NRXN1: variants seen among roughly 807,000 people sequenced by gnomAD.
NRXN1 encodes neurexin 1.
A neutral mutation model predicts 150.9 loss-of-function variants in NRXN1; 39 were observed. That is an observed-to-expected ratio of 0.26 (90% confidence interval 0.20 to 0.34). NRXN1 has a LOEUF of 0.34. Ranked by LOEUF, NRXN1 falls within the 10% of genes least tolerant of loss-of-function variation. NRXN1 has a pLI of 1.00. For missense variants in NRXN1, 1,815 were observed against 1,949.9 expected (o/e 0.93, Z 1.30); for synonymous variants, 924 against 757.0 (o/e 1.22, Z -3.62).
intron 17 of NRXN1, among the ~76,000 whole-genome samples, chr2:50,450,895 T>G (rs2086896069): frequency 6.6e-6 from 1 of 152,192 alleles, no homozygotes; most frequent in South Asian, 2.1e-4. Context: ...TTACTTTCAC[T>G]AGCAAATATC....
chr2:50,356,109 A>G (rs1468307291), intron 17 of NRXN1, among the ~76,000 whole-genome samples: 1 of 152,130 alleles, frequency 6.6e-6, no homozygotes, highest in Non-Finnish European at 1.5e-5. Flanking sequence ...CTTGCTGCCA[A>G]GTTGAATTAC....
At chr2:50,052,570 C>T (rs923432976) in intron 21 of NRXN1, among the ~76,000 whole-genome samples, 1 of 152,046 alleles carries the variant, frequency 6.6e-6, no homozygotes, top group African/African-American at 2.4e-5. Flanking sequence ...AATTAACATA[C>T]TTCCAAGTTG....
intron 2 of NRXN1, among the ~76,000 whole-genome samples, chr2:50,947,646 C>G (rs142214398): frequency 6.6e-6 from 1 of 151,940 alleles, no homozygotes; most frequent in East Asian, 1.9e-4. Context: ...TTTTTGGACC[C>G]TAGAATCCAT....
At chr2:50,537,903 T>C (rs540148800) in intron 10 of NRXN1, among the ~76,000 whole-genome samples, 2 of 152,286 alleles carry the variant, frequency 1.3e-5, no homozygotes, top group African/African-American at 4.8e-5. Context: ...GCCATAGGTA[T>C]GTATAATTCA....
At chr2:50,402,712 G>A (rs918533123) in intron 17 of NRXN1, among the ~76,000 whole-genome samples, 2 of 152,160 alleles carry the variant, frequency 1.3e-5, no homozygotes, top group South Asian at 4.1e-4. Flanking sequence ...GGGACGAATG[G>A]GGGAAGGATT....
intron 2 of NRXN1, among the ~76,000 whole-genome samples, chr2:51,001,238 G>A (rs554915119): frequency 2.4e-5 from 3 of 126,984 alleles, no homozygotes; most frequent in African/African-American, 3.2e-5. Context: ...TGGGGTTGGG[G>A]GGGGGGGGCG....
chr2:50,702,931 GT>G (rs1246191450), intron 5 of NRXN1, among the ~76,000 whole-genome samples: 1 of 151,856 alleles, frequency 6.6e-6, no homozygotes, highest in Non-Finnish European at 1.5e-5. Context: ...TGCCCTTTTT[GT>G]TTTGTTCTGC....
chr2:50,479,208 T>A (rs998438577), intron 15 of NRXN1, among the ~76,000 whole-genome samples: 3 of 152,222 alleles, frequency 2.0e-5, no homozygotes, highest in Non-Finnish European at 4.4e-5. Context: ...CGCCCCACAG[T>A]CCGACCTTTA....
chr2:50,666,421 T>C (rs925362261), intron 5 of NRXN1, among the ~76,000 whole-genome samples: 6 of 151,954 alleles, frequency 3.9e-5, no homozygotes, highest in Non-Finnish European at 7.4e-5. Context: ...GGCTAGATTA[T>C]AGGGTAGGTA....
At chr2:50,997,212 C>G (rs1403551406) in intron 2 of NRXN1, among the ~76,000 whole-genome samples, 2 of 151,760 alleles carry the variant, frequency 1.3e-5, no homozygotes, top group Non-Finnish European at 2.9e-5. Context: ...AAGTATTGCT[C>G]CACTTGAGCC....
chr2:50,316,839 A>G (rs1434287765), intron 17 of NRXN1, among the ~76,000 whole-genome samples: 2 of 152,000 alleles, frequency 1.3e-5, no homozygotes, highest in Admixed American at 1.3e-4. Flanking sequence ...CAAAATATCA[A>G]TCAGAAAACC....
At chr2:50,848,972 G>A (rs1036042929) in intron 5 of NRXN1, among the ~76,000 whole-genome samples, 8 of 152,134 alleles carry the variant, frequency 5.3e-5, no homozygotes, top group South Asian at 2.1e-4. Context: ...CACATACAGC[G>A]CCTTCTCTGT....
intron 8 of NRXN1, among the ~76,000 whole-genome samples, chr2:50,609,533 A>C (rs542008801): frequency 6.6e-6 from 1 of 152,132 alleles, no homozygotes; most frequent in African/African-American, 2.4e-5. Flanking sequence ...ACATAGTCTC[A>C]CTTAATCCTT....
intron 5 of NRXN1, among the ~76,000 whole-genome samples, chr2:50,826,372 G>A (rs1192600654): frequency 1.3e-5 from 2 of 152,166 alleles, no homozygotes; most frequent in Non-Finnish European, 2.9e-5. Flanking sequence ...AAGCCAATGA[G>A]CCAGTGAAGG....
chr2:51,026,274 GT>G (rs1670452464), intron 2 of NRXN1: 2 of 750,004 alleles, frequency 2.7e-6, no homozygotes, highest in Non-Finnish European at 4.6e-6. Context: ...ATTTATCCAT[GT>G]GTTGATTGCC....
At chr2:50,531,463 G>C (rs1242359170) in intron 10 of NRXN1, 33 bp from the exon 11 acceptor site, 3 of 1,519,986 alleles carry the variant, frequency 2.0e-6, no homozygotes, top group South Asian at 2.3e-5. Flanking sequence ...ATAAGTTCTT[G>C]GATGGTATAG....
intron 17 of NRXN1, among the ~76,000 whole-genome samples, chr2:50,337,146 C>T (rs1171212788): frequency 6.9e-6 from 1 of 144,822 alleles, no homozygotes; most frequent in Non-Finnish European, 1.5e-5. Context: ...TGTGCAATGG[C>T]TTGATCTCGG....
chr2:50,158,457 G>A lies in NRXN1; in HGVS notation c.3547-66963C>T, dbSNP rs547278164. Among the ~76,000 whole-genome samples, 3 of 151,964 alleles carry A rather than the reference G, an allele frequency of 2.0e-5. No homozygotes were observed. The East Asian group carries it at 5.8e-4, about 30-fold the overall frequency. ...AAATTAAACTATGTTGGAACAGAGT[G>A]ATGTCTAACACAACTGGAAAAGGAA... On this transcript the variant is annotated intron_variant, in intron 18 of 22. Coordinates refer to ENST00000401669, the MANE Select transcript of NRXN1 (RefSeq NM_001330078.2).
At chr2:50,778,438 G>C (rs1288917522) in intron 5 of NRXN1, among the ~76,000 whole-genome samples, 2 of 152,134 alleles carry the variant, frequency 1.3e-5, no homozygotes, top group Admixed American at 6.5e-5. Flanking sequence ...CTAACTTCAA[G>C]GAACACACTG....
Sources: gnomAD v4.1 joint callset for allele counts (sites outside exome capture counted in the v4.1 genomes callset) on GRCh38, gnomAD v4.1.1 for gene constraint, MANE v1.5 for transcripts, NCBI Gene and HGNC (gene_info 2026-07-23, HGNC 2026-07-21) for gene names.